The following FSTL4 variants were observed in gnomAD, a reference collection of about 807,000 sequenced individuals.
FSTL4 encodes the protein follistatin like 4.
Under a neutral mutation model 78.2 loss-of-function variants are expected in FSTL4, and 28 were observed. That is an observed-to-expected ratio of 0.36 (90% confidence interval 0.27 to 0.49). FSTL4 has a LOEUF of 0.49. FSTL4 is among the 20% of genes least tolerant of loss of function. FSTL4 has a pLI of 0.98. For synonymous variants in FSTL4, 422 were observed against 440.5 expected, an observed-to-expected ratio of 0.96 and a Z score of 0.53; for missense variants, 922 against 1,084.9, an observed-to-expected ratio of 0.85 and a Z score of 2.11.
At chr5:133,401,129 T>TC in intron 3 of FSTL4, 143 bp from the exon 4 acceptor site, 1 of 808,084 alleles carries the variant, frequency 1.2e-6, no homozygotes, top group Non-Finnish European at 2.0e-6. Flanking sequence ...GCTTGGGGTC[T>TC]CCTAGGGAGT....
At chr5:133,582,288 G>C (rs1433786975) in intron 2 of FSTL4, among the ~76,000 whole-genome samples, 6 of 152,186 alleles carry the variant, frequency 3.9e-5, no homozygotes, top group African/African-American at 1.4e-4. Context: ...CTGCACCCCA[G>C]ACCCCCGGCA....
At chr5:133,693,194 A>G in the FSTL4 span, among the ~76,000 whole-genome samples, 1 of 152,206 alleles carries the variant, frequency 6.6e-6, no homozygotes, top group Non-Finnish European at 1.5e-5. Context: ...ACTGAAAAGC[A>G]TATAGCTAGC....
the FSTL4 span, among the ~76,000 whole-genome samples, chr5:133,802,825 G>C: frequency 6.6e-6 from 1 of 152,212 alleles, no homozygotes; most frequent in Non-Finnish European, 1.5e-5. Context: ...GTGGGCAGCT[G>C]TGCCCAGCTG....
intron 14 of FSTL4, 121 bp from the exon 15 acceptor site, chr5:133,202,163 C>T: frequency 1.7e-6 from 1 of 592,162 alleles, no homozygotes; most frequent in Middle Eastern, 3.0e-4. Flanking sequence ...AGATGACTAA[C>T]AAACCTCAAT....
At chr5:133,796,886 T>A in the FSTL4 span, among the ~76,000 whole-genome samples, 1 of 152,116 alleles carries the variant, frequency 6.6e-6, no homozygotes, top group Non-Finnish European at 1.5e-5. Flanking sequence ...TTCCCCCTCC[T>A]GTCTGTGTCA....
intron 6 of FSTL4, among the ~76,000 whole-genome samples, chr5:133,273,891 C>A (rs540014517): frequency 6.6e-6 from 1 of 152,138 alleles, no homozygotes; most frequent in African/African-American, 2.4e-5. Flanking sequence ...TGACACACAG[C>A]GGAGTTCCCT....
intron 4 of FSTL4, among the ~76,000 whole-genome samples, chr5:133,391,787 C>T (rs577077856): frequency 6.6e-6 from 1 of 152,316 alleles, no homozygotes; most frequent in Admixed American, 6.5e-5. Flanking sequence ...AACCCCCCGG[C>T]CTGCTGCAGA....
intron 3 of FSTL4, among the ~76,000 whole-genome samples, chr5:133,504,084 T>C (rs1758562808): frequency 1.3e-5 from 2 of 152,058 alleles, no homozygotes. Context: ...GCCCCCATGA[T>C]TCAATTACTT....
rs1580671512 is a variant in FSTL4, at chr5:133,389,624, C to T, written c.409+11114G>A. On this transcript the variant is annotated intron_variant, in intron 4 of 15. Transcript: ENST00000265342. Reference sequence around the variant, plus strand: ...TCTTCCTCGCCCCTGCTTTCCTGTCCATCACCCACCTATCCAGAAAGGTTC... The same window carrying T: ...TCTTCCTCGCCCCTGCTTTCCTGTCTATCACCCACCTATCCAGAAAGGTTC... 7.2e-5 allele frequency among the ~76,000 whole-genome samples: 11 copies of T among 152,154 alleles called. No homozygotes were observed. The South Asian group carries it at 2.3e-3, about 32-fold the overall frequency.
chr5:133,211,976 T>G (rs1750744058), intron 13 of FSTL4, among the ~76,000 whole-genome samples: 1 of 152,138 alleles, frequency 6.6e-6, no homozygotes, highest in Non-Finnish European at 1.5e-5. Flanking sequence ...ATTACTCTCT[T>G]GCTTTAATTA....
At chr5:133,218,991 G>A (rs1751004808) in intron 12 of FSTL4, among the ~76,000 whole-genome samples, 1 of 152,224 alleles carries the variant, frequency 6.6e-6, no homozygotes, top group African/African-American at 2.4e-5. Flanking sequence ...ATAAATGAGT[G>A]TAAAAGGGGA....
intron 2 of FSTL4, among the ~76,000 whole-genome samples, chr5:133,598,665 C>G (rs1203917312): frequency 6.6e-6 from 1 of 152,130 alleles, no homozygotes; most frequent in African/African-American, 2.4e-5. Flanking sequence ...CAGCACCGCA[C>G]CTGCAGAGGA....
At chr5:133,456,790 T>C (rs1426083287) in intron 3 of FSTL4, among the ~76,000 whole-genome samples, 2 of 152,186 alleles carry the variant, frequency 1.3e-5, no homozygotes, top group Non-Finnish European at 1.5e-5. Flanking sequence ...TGCCCCAGCA[T>C]AGGAACGAGC....
chr5:133,380,308 A>C (rs969467700), intron 4 of FSTL4, among the ~76,000 whole-genome samples: 2 of 152,134 alleles, frequency 1.3e-5, no homozygotes, highest in Admixed American at 1.3e-4. Flanking sequence ...AGACTAACAA[A>C]AAAATTTTTT....
chr5:133,493,127 A>AT (rs1443573312), intron 3 of FSTL4, among the ~76,000 whole-genome samples: 1 of 152,046 alleles, frequency 6.6e-6, no homozygotes, highest in Admixed American at 6.5e-5. Flanking sequence ...TCAAACATAG[A>AT]TTTTTAAATA....
At chr5:133,280,911 T>C (rs187716472) in intron 6 of FSTL4, among the ~76,000 whole-genome samples, 1 of 152,314 alleles carries the variant, frequency 6.6e-6, no homozygotes, top group Admixed American at 6.5e-5. Context: ...ACAGGTGCCC[T>C]ACCCATAACT....
At chr5:133,734,703 T>G in the FSTL4 span, among the ~76,000 whole-genome samples, 3 of 152,224 alleles carry the variant, frequency 2.0e-5, no homozygotes, top group Non-Finnish European at 4.4e-5. Flanking sequence ...GTGAGCCCTT[T>G]CAATTTGTAT....
At chr5:133,579,479 A>C (rs1760356465) in intron 2 of FSTL4, among the ~76,000 whole-genome samples, 1 of 152,202 alleles carries the variant, frequency 6.6e-6, no homozygotes, top group Non-Finnish European at 1.5e-5. Flanking sequence ...TCTTTCCTGC[A>C]CTGACTTCAT....
chr5:133,522,984 C>A (rs917132833), intron 3 of FSTL4, among the ~76,000 whole-genome samples: 19 of 151,498 alleles, frequency 1.3e-4, no homozygotes, highest in African/African-American at 4.1e-4. Context: ...GCCCCTGCCA[C>A]CCCCGAGTCC....
Sources: allele counts gnomAD v4.1 joint callset (sites outside exome capture counted in the v4.1 genomes callset), GRCh38; gene constraint gnomAD v4.1.1; transcripts MANE v1.5; gene names NCBI Gene and HGNC (gene_info 2026-07-23, HGNC 2026-07-21).